Variants in CD1B observed in about 807,000 individuals in gnomAD.
CD1B encodes CD1b molecule, also known as T-cell surface glycoprotein CD1b.
In CD1B, 43 loss-of-function variants were observed where a neutral mutation model predicts 39.8. The ratio of observed to expected loss-of-function variants is 1.08; its 90% CI spans 0.85 to 1.39. The LOEUF is 1.39. Among genes scored for constraint, CD1B ranks in the 40% most tolerant of loss-of-function variants. CD1B has a pLI of 0.00. For missense variants in CD1B, 495 were observed against 403.8 expected (o/e 1.23, Z -1.94); for synonymous variants, 192 against 152.5 (o/e 1.26, Z -1.91).
At chr1:158,291,392 A>T in the CD1B span, 16 of 1,613,160 alleles carry the variant, frequency 9.9e-6, no homozygotes, top group African/African-American at 1.3e-5. Flanking sequence ...AGTCAAGATT[A>T]CTCGAAATGT....
the CD1B span, among the ~76,000 whole-genome samples, chr1:158,305,355 A>T: frequency 6.6e-6 from 1 of 152,206 alleles, no homozygotes; most frequent in Non-Finnish European, 1.5e-5. Flanking sequence ...GATCAAATGA[A>T]TGAAACGAAG....
At chr1:158,289,321 G>T in the CD1B span, among the ~76,000 whole-genome samples, 2 of 152,168 alleles carry the variant, frequency 1.3e-5, no homozygotes, top group African/African-American at 2.4e-5. Context: ...ATTTTTTAGT[G>T]AATGACTATA....
chr1:158,317,903 C>A, the CD1B span, among the ~76,000 whole-genome samples: 29 of 152,260 alleles, frequency 1.9e-4, no homozygotes, highest in Middle Eastern at 3.4e-3. Context: ...TTTATTTCTG[C>A]CTTCATTTCA....
the CD1B span, among the ~76,000 whole-genome samples, chr1:158,299,657 T>A: frequency 6.6e-6 from 1 of 152,238 alleles, no homozygotes; most frequent in African/African-American, 2.4e-5. Flanking sequence ...ATTGCCTCAA[T>A]TTCAGAGCCT....
the CD1B span, among the ~76,000 whole-genome samples, chr1:158,285,997 T>C: frequency 1.3e-5 from 2 of 151,884 alleles, no homozygotes; most frequent in African/African-American, 4.8e-5. Flanking sequence ...GGTGGGAACA[T>C]GACACTGGAG....
At chr1:158,290,220 G>A in the CD1B span, 2 of 1,120,434 alleles carry the variant, frequency 1.8e-6, no homozygotes, top group East Asian at 2.4e-5. Flanking sequence ...CAGAATGCTT[G>A]CCATCTGAGC....
the CD1B span, chr1:158,289,910 G>A: frequency 1.6e-6 from 1 of 633,624 alleles, no homozygotes; most frequent in Non-Finnish European, 2.8e-6. Flanking sequence ...GGAGGACCAA[G>A]GTTGAGGGAA....
chr1:158,286,541 C>G, the CD1B span, among the ~76,000 whole-genome samples: 3 of 152,144 alleles, frequency 2.0e-5, no homozygotes, highest in Admixed American at 1.3e-4. Flanking sequence ...CATGGCAGCT[C>G]TGGGGCAGAG....
chr1:158,293,628 G>A, the CD1B span: 3 of 1,571,138 alleles, frequency 1.9e-6, no homozygotes, highest in East Asian at 2.3e-5. Flanking sequence ...TTCTAATTTG[G>A]AATGTTTTTC....
chr1:158,327,534 A>C (rs1484141422), downstream of CD1B, among the ~76,000 whole-genome samples: 1 of 152,180 alleles, frequency 6.6e-6, no homozygotes, highest in East Asian at 1.9e-4. Flanking sequence ...GAAAACACTT[A>C]ACTTGGCAGT....
At chr1:158,322,006 T>G in the CD1B span, among the ~76,000 whole-genome samples, 3 of 152,230 alleles carry the variant, frequency 2.0e-5, no homozygotes, top group Non-Finnish European at 2.9e-5. Flanking sequence ...AGGAACTTAA[T>G]TTTAATCAGA....
chr1:158,292,851 G>T, the CD1B span: 10 of 1,614,138 alleles, frequency 6.2e-6, no homozygotes, highest in Non-Finnish European at 8.5e-6. Context: ...AGTCTAGGAG[G>T]CCAGGACATC....
the CD1B span, among the ~76,000 whole-genome samples, chr1:158,315,308 C>A: frequency 1.3e-5 from 2 of 151,664 alleles, no homozygotes; most frequent in African/African-American, 4.8e-5. Context: ...CCACATCCTC[C>A]CCAGCACCTG....
rs142860948 is a variant in CD1B at position 158,330,835 on chromosome 1, G to T, written c.289C>A (p.Arg97=). 8.1e-6 allele frequency: 13 copies of T among 1,613,978 alleles called. No homozygotes were observed. The African/African-American group carries it at 1.6e-4, about 20-fold the overall frequency. ...TCACCGGCAAAGTCTTGTACTTCTCGAGCGAATCCAAAGATGTAGACTCGG... is the reference window on the plus strand; with the variant it reads ...TCACCGGCAAAGTCTTGTACTTCTCTAGCGAATCCAAAGATGTAGACTCGG... The part of the protein sequence containing the change: ...IFRVYIFGFA[R]EVQDFAGDFQ... The change falls in exon 2 of 6, where the codon CGA becomes AGA. Residue 97 remains arginine (R), a synonymous_variant. Transcript: ENST00000368168.
the CD1B span, among the ~76,000 whole-genome samples, chr1:158,309,112 T>A: frequency 3.2e-3 from 488 of 151,992 alleles, 2 homozygotes; most frequent in Non-Finnish European, 2.5e-3. Flanking sequence ...CAGAATCTAC[T>A]ATGAACTCAA....
chr1:158,291,839 A>G, the CD1B span, among the ~76,000 whole-genome samples: 1 of 151,846 alleles, frequency 6.6e-6, no homozygotes, highest in Admixed American at 6.6e-5. Flanking sequence ...TATGTGGCTC[A>G]CCTATCATTT....
At chr1:158,314,798 C>A in the CD1B span, among the ~76,000 whole-genome samples, 1 of 136,018 alleles carries the variant, frequency 7.4e-6, no homozygotes, top group African/African-American at 2.7e-5. Flanking sequence ...CAATGCTATC[C>A]CTACCCCCTC....
At chr1:158,292,087 C>A in the CD1B span, 3 of 1,612,748 alleles carry the variant, frequency 1.9e-6, no homozygotes, top group South Asian at 3.3e-5. Flanking sequence ...CCTCCAGATC[C>A]CTTTGAAGTA....
chr1:158,285,819 G>A, the CD1B span, among the ~76,000 whole-genome samples: 1 of 152,164 alleles, frequency 6.6e-6, no homozygotes, highest in Non-Finnish European at 1.5e-5. Context: ...CAGGAACTAT[G>A]CTTGGAGGCC....
Sources: allele counts gnomAD v4.1 joint callset (sites outside exome capture counted in the v4.1 genomes callset), GRCh38; gene constraint gnomAD v4.1.1; transcripts MANE v1.5; gene names NCBI Gene and HGNC (gene_info 2026-07-23, HGNC 2026-07-21).